Variants in SPG7 observed in about 807,000 individuals in gnomAD.
SPG7 encodes SPG7 matrix AAA peptidase subunit, paraplegin, also known as mitochondrial inner membrane m-AAA protease component paraplegin.
In SPG7, 103 loss-of-function variants were observed where a neutral mutation model predicts 81.9. The ratio of observed to expected loss-of-function variants is 1.26; its 90% CI spans 1.07 to 1.48. SPG7 has a LOEUF of 1.48. SPG7 is among the 40% of genes most tolerant of loss of function. SPG7 has a pLI of 0.00. For synonymous variants in SPG7, 534 were observed against 444.2 expected, an observed-to-expected ratio of 1.20 and a Z score of -2.54; for missense variants, 1,241 against 1,087.3, an observed-to-expected ratio of 1.14 and a Z score of -1.99.
chr16:89,537,403 G>A, intron 9 of SPG7: 2 of 1,062,852 alleles, frequency 1.9e-6, no homozygotes, highest in Non-Finnish European at 2.3e-6. Flanking sequence ...CCACACGCGG[G>A]AGCTGCGGAA....
chr16:89,512,973 A>G lies in SPG7; in HGVS notation c.312A>G (p.Ser104=), dbSNP rs1431097166. The change falls in exon 3 of 17, where the codon TCA becomes TCG. Residue 104 remains serine, a synonymous_variant. Transcript: ENST00000645818. ...LLGGTFYFNT[S]RLKQKNKEKD... ...GTGGTACTTTCTATTTTAACACCTC[A>G]AGGTTGAAGCAGAAGAATAAGGAGA... 1.9e-6 allele frequency: 3 copies of G among 1,613,236 alleles called. No individual in the cohort carries two copies. Among genetic ancestry groups the G allele is most frequent in the Non-Finnish European group, 2.5e-6 (3 of 1,179,442 alleles).
At chr16:89,540,815 A>G in intron 9 of SPG7, 1 of 849,640 alleles carries the variant, frequency 1.2e-6, no homozygotes, top group Non-Finnish European at 1.4e-6. Context: ...CATCCCAGGA[A>G]AGCAAAGACT....
At chr16:89,547,973 C>T (rs759250288) in intron 11 of SPG7, 30 bp from the exon 12 acceptor site, 1 of 1,561,956 alleles carries the variant, frequency 6.4e-7, no homozygotes, top group Non-Finnish European at 8.8e-7. Flanking sequence ...GAAACCCACC[C>T]ACCCACACCG....
At chr16:89,549,047 A>G (rs1390669421) in intron 12 of SPG7, 1 of 456,326 alleles carries the variant, frequency 2.2e-6, no homozygotes, top group East Asian at 7.0e-5. Flanking sequence ...GCTGTGCCAG[A>G]CACTGCAAAA....
At chr16:89,542,891 C>T (rs982783773) in intron 9 of SPG7, 10 of 150,036 alleles carry the variant, frequency 6.7e-5, no homozygotes, top group Non-Finnish European at 1.0e-4. Context: ...GGGTTTCTTA[C>T]ATTAGTCACG....
intron 12 of SPG7, chr16:89,549,299 T>G (rs1321941119): frequency 2.3e-6 from 1 of 443,076 alleles, no homozygotes; most frequent in Non-Finnish European, 4.6e-6. Flanking sequence ...CACTTACAGA[T>G]GTGTGGAAAA....
intron 3 of SPG7, among the ~76,000 whole-genome samples, chr16:89,515,315 C>G (rs2058081730): frequency 6.6e-6 from 1 of 150,862 alleles, no homozygotes; most frequent in African/African-American, 2.4e-5. Context: ...GTTGCCCAGA[C>G]TGGAGTCCAG....
At chr16:89,544,360 A>G in intron 9 of SPG7, 1 of 409,812 alleles carries the variant, frequency 2.4e-6, no homozygotes, top group Non-Finnish European at 4.6e-6. Context: ...CCCAGATGGC[A>G]CCGTGAGGCA....
rs141056290 is a variant in SPG7 at position 89,553,162 on chromosome 16, A to C, written c.1936+27A>C. On this transcript the variant is annotated intron_variant, in intron 14 of 16. Transcript: ENST00000645818. ...TGAGGAGCAGCGGCGCGGGCCCTGG[A>C]GGTTTCAGAGCGCTTTTCCCTGCAT... 6.5e-5 allele frequency: 102 copies of C among 1,573,006 alleles called. No homozygotes were observed. The East Asian group carries it at 2.4e-3, about 36-fold the overall frequency.
chr16:89,550,812 A>G (rs766328185), intron 13 of SPG7, among the ~76,000 whole-genome samples: 28 of 152,110 alleles, frequency 1.8e-4, no homozygotes, highest in Non-Finnish European at 3.8e-4. Context: ...ATGGGCGGGA[A>G]CTCGGACGTG....
chr16:89,534,750 C>T (rs2058389588), intron 9 of SPG7, among the ~76,000 whole-genome samples: 1 of 152,232 alleles, frequency 6.6e-6, no homozygotes, highest in African/African-American at 2.4e-5. Flanking sequence ...TGCCTTCCTG[C>T]AAGCTCCCTG....
chr16:89,513,973 T>G (rs1460729180), intron 3 of SPG7, among the ~76,000 whole-genome samples: 1 of 152,198 alleles, frequency 6.6e-6, no homozygotes. Context: ...AGTGACGTCC[T>G]TCTTGATTGA....
intron 14 of SPG7, chr16:89,553,462 TGAA>T (rs1180044907): frequency 1.9e-6 from 1 of 524,038 alleles, no homozygotes; most frequent in Non-Finnish European, 3.4e-6. Context: ...TCCAGAGAGC[TGAA>T]GGAGGGTCCC....
At chr16:89,517,177 G>C (rs1193309331) in intron 3 of SPG7, 1 of 152,272 alleles carries the variant, frequency 6.6e-6, no homozygotes, top group Admixed American at 6.6e-5. Flanking sequence ...TGCGGATTCT[G>C]CATTCAGCCT....
chr16:89,556,305 TAAC>T lies in SPG7; in HGVS notation c.2182-567_2182-565del, dbSNP rs10598151. The T allele has an allele frequency of 4.9e-3, 1,894 of 386,750 alleles. 33 individuals are homozygous for T. The highest frequency in any genetic ancestry group is 0.036 in the African/African-American group (1,724 of 48,382). The allele number at this position is 386,750 out of a possible 1,614,324, so 24.0% of individuals were successfully genotyped here. A position where few individuals can be genotyped will look rare whatever the true frequency, so the allele number is the denominator to read the frequency against. ...AAGAGTGAGGAAAGGAGCAGGTAATTAACAACAACAACAACAAAAAATCTGGAA... is the reference window on the plus strand; with the variant it reads ...AAGAGTGAGGAAAGGAGCAGGTAATTAACAACAACAACAAAAAATCTGGAA... On this transcript the variant is annotated intron_variant, in intron 16 of 16. Coordinates refer to ENST00000645818, the MANE Select transcript of SPG7 (RefSeq NM_003119.4).
At chr16:89,546,975 A>C (rs2058572808) in intron 11 of SPG7, 5 of 548,632 alleles carry the variant, frequency 9.1e-6, no homozygotes, top group Non-Finnish European at 1.3e-5. Context: ...GGGGTGGAAA[A>C]GCAGACGGTG....
Position 89,555,980 on chromosome 16 carries a change from G to C in SPG7, c.2182-907G>C, listed in dbSNP as rs1456440712. The C allele has an allele frequency of 7.5e-6, 3 of 398,814 alleles. No individual in the cohort carries two copies. The East Asian group carries it at 1.1e-4, about 14-fold the overall frequency. 24.7% of individuals were successfully genotyped at this position (398,814 alleles called of 1,614,324 possible). On this transcript the variant is annotated intron_variant, in intron 16 of 16. Transcript: ENST00000645818. Reference sequence around the variant, plus strand: ...GCAGGTGTGGGCGGTGCCGTCCCCGGCTGAAGCAGGCCTGCCTGTGGACCC... The same window carrying C: ...GCAGGTGTGGGCGGTGCCGTCCCCGCCTGAAGCAGGCCTGCCTGTGGACCC...
In SPG7 at chr16:89,529,482, T is replaced by C. The variant is rs2058311875; in HGVS notation, c.764T>C (p.Leu255Pro). 2 of 1,612,098 alleles carry C rather than the reference T, an allele frequency of 1.2e-6. No homozygotes were observed. The highest frequency in any genetic ancestry group is 2.7e-5 in the African/African-American group (2 of 74,908). ...GCCTCTCTTTCTTCCGGCAGTGCCC[T>C]GTACTCTGTGGGGATGACGGCAGTG... ...YKRTGFFGNA[L>P]YSVGMTAVGL... Residue 255 changes from leucine to proline, a missense_variant, in exon 6 of 17, where the codon CTG (leucine) becomes CCG (proline). Coordinates refer to ENST00000645818, the MANE Select transcript of SPG7 (RefSeq NM_003119.4).
Position 89,526,389 on chromosome 16 carries a change from C to G in SPG7, c.679C>G (p.Arg227Gly). 6.2e-7 allele frequency: 1 copy of G among 1,614,138 alleles called. No homozygotes were observed. Among genetic ancestry groups the G allele is most frequent in the Non-Finnish European group, 8.5e-7 (1 of 1,180,024 alleles). The change falls in exon 5 of 17, where the codon CGA (arginine) becomes GGA (glycine). Residue 227 changes from arginine to glycine, a missense_variant. Transcript: ENST00000645818. ...TATTGACAAGTTTGAAGAGAAGCTTCGAGCAGCTGAAGATGAGCTGAATAT... is the reference window on the plus strand; with the variant it reads ...TATTGACAAGTTTGAAGAGAAGCTTGGAGCAGCTGAAGATGAGCTGAATAT... The part of the protein sequence containing the change: ...ANIDKFEEKL[R>G]AAEDELNIEA...
Sources: allele counts gnomAD v4.1 joint callset (sites outside exome capture counted in the v4.1 genomes callset), GRCh38; gene constraint gnomAD v4.1.1; transcripts MANE v1.5; gene names NCBI Gene and HGNC (gene_info 2026-07-23, HGNC 2026-07-21).